AOPEP: variants seen among roughly 807,000 people sequenced by gnomAD.
The protein encoded by AOPEP is aminopeptidase O (putative).
A neutral mutation model predicts 98.1 loss-of-function variants in AOPEP; 77 were observed. The observed-to-expected ratio is 0.78, with a 90% CI of 0.65 to 0.95. AOPEP has a LOEUF of 0.95. AOPEP is among the 40% of genes least tolerant of loss of function. AOPEP has a pLI of 0.00. For synonymous variants in AOPEP, 346 were observed against 365.3 expected, an observed-to-expected ratio of 0.95 and a Z score of 0.60; for missense variants, 1,024 against 1,024.7, an observed-to-expected ratio of 1.00 and a Z score of 0.01.
intron 7 of AOPEP, among the ~76,000 whole-genome samples, chr9:94,953,334 G>T (rs1285136205): frequency 6.6e-6 from 1 of 152,200 alleles, no homozygotes; most frequent in Non-Finnish European, 1.5e-5. Context: ...GTAGAAAAAT[G>T]AAAAGTATGC....
intron 7 of AOPEP, among the ~76,000 whole-genome samples, chr9:94,954,153 T>C (rs1202827609): frequency 2.0e-5 from 3 of 152,068 alleles, no homozygotes; most frequent in East Asian, 1.9e-4. Context: ...CGAAACCCCA[T>C]CTCTACAGAA....
intron 6 of AOPEP, among the ~76,000 whole-genome samples, chr9:94,924,543 C>T (rs1391551455): frequency 1.3e-5 from 2 of 152,170 alleles, no homozygotes; most frequent in African/African-American, 4.8e-5. Flanking sequence ...TCAAGCACTT[C>T]TTTGTGGTTG....
At chr9:95,115,612 G>C in the AOPEP span, among the ~76,000 whole-genome samples, 20 of 152,208 alleles carry the variant, frequency 1.3e-4, no homozygotes, top group Admixed American at 2.6e-4. Context: ...TGAGCAGCAC[G>C]TATCTGCAGT....
chr9:94,903,073 C>T (rs186221020), intron 5 of AOPEP, among the ~76,000 whole-genome samples: 16 of 151,512 alleles, frequency 1.1e-4, no homozygotes, highest in Non-Finnish European at 2.1e-4. Flanking sequence ...CTCTGCCCCC[C>T]GGGTTCAAGC....
chr9:94,748,298 ATTATTT>A (rs971830728), intron 1 of AOPEP, among the ~76,000 whole-genome samples: 1 of 152,134 alleles, frequency 6.6e-6, no homozygotes, highest in African/African-American at 2.4e-5. Context: ...TACTTTCAAG[ATTATTT>A]TTAGTTTTTC....
intron 11 of AOPEP, among the ~76,000 whole-genome samples, chr9:94,990,910 G>A (rs998083026): frequency 6.6e-6 from 1 of 152,188 alleles, no homozygotes; most frequent in Non-Finnish European, 1.5e-5. Flanking sequence ...TTATAGGCAT[G>A]AGCCACCGCG....
At chr9:95,005,423 C>A (rs2061929328) in intron 12 of AOPEP, 119 bp from the exon 13 acceptor site, 3 of 1,075,024 alleles carry the variant, frequency 2.8e-6, no homozygotes, top group East Asian at 4.8e-5. Context: ...GCGCGGGTGG[C>A]CTCCCGAGGT....
At chr9:95,055,352 T>C (rs1255488343) in intron 13 of AOPEP, among the ~76,000 whole-genome samples, 2 of 152,232 alleles carry the variant, frequency 1.3e-5, no homozygotes, top group Non-Finnish European at 2.9e-5. Context: ...TGTTTCTTTT[T>C]GGATTATGAG....
chr9:94,967,605 A>G (rs1009349814), intron 9 of AOPEP, among the ~76,000 whole-genome samples, 153 bp from the exon 10 acceptor site: 1 of 152,190 alleles, frequency 6.6e-6, no homozygotes, highest in Non-Finnish European at 1.5e-5. Context: ...TGGGAAATTA[A>G]TAAGTTGAGT....
chr9:95,051,849 G>A (rs1268498061), intron 13 of AOPEP, among the ~76,000 whole-genome samples: 7 of 151,912 alleles, frequency 4.6e-5, no homozygotes, highest in Non-Finnish European at 8.8e-5. Flanking sequence ...GACTACAGGC[G>A]CCTGCCACCA....
At chr9:95,149,932 G>A in the AOPEP span, 14 of 1,602,962 alleles carry the variant, frequency 8.7e-6, no homozygotes, top group Non-Finnish European at 1.1e-5. Flanking sequence ...CAGCAAAATG[G>A]CCTCGTTTAC....
chr9:95,147,456 C>T, the AOPEP span, among the ~76,000 whole-genome samples: 2 of 152,156 alleles, frequency 1.3e-5, no homozygotes, highest in African/African-American at 4.8e-5. Flanking sequence ...GCAGAGGTTG[C>T]GGTGAGCCGA....
At chr9:94,804,341 T>A (rs1337465965) in intron 5 of AOPEP, among the ~76,000 whole-genome samples, 1 of 152,246 alleles carries the variant, frequency 6.6e-6, no homozygotes, top group African/African-American at 2.4e-5. Flanking sequence ...TTGGCAGAAC[T>A]ACCTAGCTGT....
intron 3 of AOPEP, among the ~76,000 whole-genome samples, chr9:94,778,870 T>C (rs1444378901): frequency 6.6e-6 from 1 of 151,766 alleles, no homozygotes; most frequent in African/African-American, 2.4e-5. Context: ...TCTACAAAAA[T>C]ACAAAAAAAT....
Position 94,880,353 on chromosome 9 carries a change from C to G in AOPEP, c.1365-43633C>G, listed in dbSNP as rs184640250. ...CATATTTGTCTTTTTTTTTCTTTTT[C>G]TTTTTCTTTTTTTCTTTTCTTTTTT... On this transcript the variant is annotated intron_variant, in intron 5 of 16. Coordinates refer to ENST00000375315, the MANE Select transcript of AOPEP (RefSeq NM_001193329.3). Among the ~76,000 whole-genome samples the G allele has an allele frequency of 3.1e-3, 451 of 147,854 alleles. 3 individuals are homozygous for G. The highest frequency in any genetic ancestry group is 0.01 in the Middle Eastern group (3 of 288).
the AOPEP span, among the ~76,000 whole-genome samples, chr9:95,093,797 C>T: frequency 2.6e-5 from 4 of 152,280 alleles, no homozygotes; most frequent in African/African-American, 7.2e-5. Flanking sequence ...ATTGCATGGA[C>T]GCGCTGTAAC....
At chr9:94,776,309 A>T (rs1842078597) in intron 3 of AOPEP, among the ~76,000 whole-genome samples, 1 of 151,806 alleles carries the variant, frequency 6.6e-6, no homozygotes. Flanking sequence ...TATTATTATT[A>T]TTTGTTTTTT....
intron 5 of AOPEP, among the ~76,000 whole-genome samples, chr9:94,841,373 C>T (rs559891671): frequency 4.9e-4 from 75 of 152,174 alleles, no homozygotes; most frequent in Non-Finnish European, 8.4e-4. Flanking sequence ...GGGGTTTCAC[C>T]GTGTTATCCA....
chr9:95,086,059 C>T, intron 16 of AOPEP: 1 of 1,367,738 alleles, frequency 7.3e-7, no homozygotes, highest in Non-Finnish European at 9.8e-7. Flanking sequence ...TCTCATTTTA[C>T]ACACTGGCTC....
Sources: gnomAD v4.1 joint callset for allele counts (sites outside exome capture counted in the v4.1 genomes callset) on GRCh38, gnomAD v4.1.1 for gene constraint, MANE v1.5 for transcripts, NCBI Gene and HGNC (gene_info 2026-07-23, HGNC 2026-07-21) for gene names.